Variants in CALN1 observed in about 807,000 individuals in gnomAD.
CALN1 encodes calcium-binding protein 8.
CALN1 carries 17 observed loss-of-function variants against 30.6 expected under a neutral mutation model. That is an observed-to-expected ratio of 0.56 (90% confidence interval 0.38 to 0.83). The LOEUF (loss-of-function observed/expected upper bound fraction) is 0.83. CALN1 is among the 40% of genes least tolerant of loss of function. CALN1 has a pLI of 0.00. For missense variants in CALN1, 291 were observed against 354.9 expected (o/e 0.82, Z 1.45); for synonymous variants, 156 against 131.4 (o/e 1.19, Z -1.28).
At chr7:71,970,887 G>T (rs898166425) in intron 5 of CALN1, among the ~76,000 whole-genome samples, 6 of 152,172 alleles carry the variant, frequency 3.9e-5, no homozygotes, top group Non-Finnish European at 7.3e-5. Flanking sequence ...GAGGCTGATA[G>T]GTTCAGCAAA....
At chr7:72,274,045 G>C (rs1005382523) in intron 3 of CALN1, among the ~76,000 whole-genome samples, 6 of 151,792 alleles carry the variant, frequency 4.0e-5, no homozygotes, top group African/African-American at 1.5e-4. Context: ...TCACAAACTG[G>C]AAAATAGCTA....
At chr7:71,832,118 C>T (rs1045598184) in intron 5 of CALN1, among the ~76,000 whole-genome samples, 7 of 152,146 alleles carry the variant, frequency 4.6e-5, no homozygotes, top group Middle Eastern at 3.4e-3. Flanking sequence ...AATTTAAGTT[C>T]CTCGTGGCTA....
chr7:72,117,935 G>A (rs1256297457), intron 3 of CALN1, among the ~76,000 whole-genome samples: 2 of 149,564 alleles, frequency 1.3e-5, no homozygotes, highest in African/African-American at 5.0e-5. Context: ...TCCAGCCTGG[G>A]CGACAGTGCG....
intron 5 of CALN1, among the ~76,000 whole-genome samples, chr7:71,961,779 C>G (rs1004562438): frequency 6.6e-6 from 1 of 152,084 alleles, no homozygotes; most frequent in Non-Finnish European, 1.5e-5. Context: ...TCAAGGGCAG[C>G]AGAAGAGAGA....
intron 1 of CALN1, among the ~76,000 whole-genome samples, chr7:72,409,912 A>C (rs897532727): frequency 6.6e-6 from 1 of 152,146 alleles, no homozygotes; most frequent in Admixed American, 6.6e-5. Context: ...GCCACATTAT[A>C]ATCAGTTTTT....
intron 1 of CALN1, among the ~76,000 whole-genome samples, chr7:72,408,508 G>T (rs891100434): frequency 6.6e-6 from 1 of 151,912 alleles, no homozygotes. Context: ...GTCAGAGAGC[G>T]TAACTGGAAT....
chr7:72,391,957 C>T (rs1241247194), intron 2 of CALN1, among the ~76,000 whole-genome samples: 1 of 152,218 alleles, frequency 6.6e-6, no homozygotes, highest in African/African-American at 2.4e-5. Context: ...CTCCCTGAAT[C>T]TAAGAGGATT....
chr7:71,800,636 G>A (rs542901416), intron 6 of CALN1, among the ~76,000 whole-genome samples: 12 of 152,138 alleles, frequency 7.9e-5, no homozygotes, highest in Admixed American at 2.6e-4. Context: ...ATATGCTTTC[G>A]TCGGCAATGA....
intron 5 of CALN1, among the ~76,000 whole-genome samples, chr7:71,920,644 GT>G (rs943502397): frequency 3.3e-5 from 5 of 151,954 alleles, no homozygotes; most frequent in Admixed American, 2.0e-4. Flanking sequence ...CGACAAATTA[GT>G]TTTTTTATGG....
At chr7:71,995,152 C>T (rs1454670251) in intron 5 of CALN1, among the ~76,000 whole-genome samples, 1 of 152,150 alleles carries the variant, frequency 6.6e-6, no homozygotes, top group African/African-American at 2.4e-5. Context: ...GCGCCTGGCG[C>T]CCCTTCCTAA....
At chr7:72,382,218 T>TA (rs1343224320) in intron 2 of CALN1, among the ~76,000 whole-genome samples, 1 of 152,142 alleles carries the variant, frequency 6.6e-6, no homozygotes, top group East Asian at 1.9e-4. Context: ...GTAATGGCTA[T>TA]ATCCAGGGAG....
At chr7:72,023,904 A>C in intron 4 of CALN1, 135 bp from the exon 5 acceptor site, 2 of 583,206 alleles carry the variant, frequency 3.4e-6, no homozygotes, top group Middle Eastern at 2.7e-4. Context: ...ACATTACTTA[A>C]AACTGTTCAA....
intron 2 of CALN1, among the ~76,000 whole-genome samples, chr7:72,401,713 A>G (rs1242189694): frequency 6.6e-6 from 1 of 152,224 alleles, no homozygotes; most frequent in African/African-American, 2.4e-5. Flanking sequence ...ATTCAGGAAC[A>G]AATGAGGAAA....
At chr7:72,332,478 C>T (rs961415928) in intron 2 of CALN1, among the ~76,000 whole-genome samples, 1 of 151,906 alleles carries the variant, frequency 6.6e-6, no homozygotes, top group Non-Finnish European at 1.5e-5. Context: ...TTAGCTGGTC[C>T]TCAATTTGGT....
At position 72,202,370 on chromosome 7, in the gene CALN1, GAAC is replaced by G. The variant is rs373404659; in HGVS notation, c.244+76313_244+76315del. Among the ~76,000 whole-genome samples, 603 of 152,006 alleles carry G rather than the reference GAAC, an allele frequency of 4.0e-3. 4 individuals are homozygous for G. Among genetic ancestry groups the G allele is most frequent in the African/African-American group, 0.013 (556 of 41,474 alleles). On this transcript the variant is annotated intron_variant, in intron 3 of 6. Transcript: ENST00000395275. Reference sequence around the variant, plus strand: ...ATAATAAATTTTTCAGAATAGAGTAGAACAAAAACAACAAACTAATGAAAAAAA... The same window carrying G: ...ATAATAAATTTTTCAGAATAGAGTAGAAAAACAACAAACTAATGAAAAAAA...
At chr7:72,447,381 C>CT (rs1808561801), upstream of CALN1, among the ~76,000 whole-genome samples, 1 of 152,126 alleles carries the variant, frequency 6.6e-6, no homozygotes, top group African/African-American at 2.4e-5. Flanking sequence ...ACCGGAGTCT[C>CT]TCGGGCTGCA....
At chr7:72,126,842 A>G (rs1323367111) in intron 3 of CALN1, among the ~76,000 whole-genome samples, 1 of 152,058 alleles carries the variant, frequency 6.6e-6, no homozygotes, top group African/African-American at 2.4e-5. Context: ...AAAGACTATA[A>G]TACATATTGG....
At chr7:72,468,218 G>A in the CALN1 span, among the ~76,000 whole-genome samples, 1 of 152,178 alleles carries the variant, frequency 6.6e-6, no homozygotes, top group Non-Finnish European at 1.5e-5. Context: ...TTCTGTACAT[G>A]TATTTATTTG....
chr7:72,350,125 T>C (rs1051267653), intron 2 of CALN1, among the ~76,000 whole-genome samples: 15 of 152,136 alleles, frequency 9.9e-5, no homozygotes, highest in African/African-American at 3.4e-4. Flanking sequence ...TTGCATATGT[T>C]AAAAGGAAGG....
Sources: allele counts gnomAD v4.1 joint callset (sites outside exome capture counted in the v4.1 genomes callset), GRCh38; gene constraint gnomAD v4.1.1; transcripts MANE v1.5; gene names NCBI Gene and HGNC (gene_info 2026-07-23, HGNC 2026-07-21).